The following SUMF1 variants were observed in gnomAD, a reference collection of about 807,000 sequenced individuals.
SUMF1 encodes sulfatase modifying factor 1.
In SUMF1, 48 loss-of-function variants were observed where a neutral mutation model predicts 47.6. That is an observed-to-expected ratio of 1.01 (90% CI 0.80 to 1.28). The LOEUF (loss-of-function observed/expected upper bound fraction) is 1.28. Ranked by LOEUF, SUMF1 falls within the 50% of genes most tolerant of loss-of-function variation. The probability of loss-of-function intolerance (pLI) is 0.00; values close to 1 mark genes in which losing one functional copy is unlikely to be tolerated. For missense variants in SUMF1, 571 were observed against 485.4 expected (o/e 1.18, Z -1.66); for synonymous variants, 230 against 192.1 (o/e 1.20, Z -1.63).
chr3:4,128,343 C>T (rs767951652), intron 8 of SUMF1, among the ~76,000 whole-genome samples: 4 of 151,258 alleles, frequency 2.6e-5, no homozygotes, highest in African/African-American at 4.9e-5. Flanking sequence ...GTAGGAGGAC[C>T]CTGATGAAGC....
intron 8 of SUMF1, among the ~76,000 whole-genome samples, chr3:4,071,776 C>A (rs1180781844): frequency 2.0e-5 from 3 of 152,194 alleles, no homozygotes; most frequent in Non-Finnish European, 4.4e-5. Context: ...CATATGTGAA[C>A]AAAAGGCAGC....
intron 3 of SUMF1, among the ~76,000 whole-genome samples, chr3:4,426,701 G>A (rs1253306000): frequency 2.0e-5 from 3 of 152,210 alleles, no homozygotes; most frequent in African/African-American, 7.2e-5. Flanking sequence ...AGCAGCATGA[G>A]TGGACTGGCA....
At chr3:4,335,863 G>C (rs1699136449) in intron 8 of SUMF1, among the ~76,000 whole-genome samples, 2 of 147,012 alleles carry the variant, frequency 1.4e-5, no homozygotes, top group African/African-American at 2.5e-5. Flanking sequence ...AGGAGGCTGA[G>C]GCAGGAGAAT....
intron 8 of SUMF1, among the ~76,000 whole-genome samples, chr3:4,336,478 A>G (rs1699155794): frequency 6.6e-6 from 1 of 152,208 alleles, no homozygotes; most frequent in South Asian, 2.1e-4. Context: ...TTGTGAAATT[A>G]CAGTTATCTA....
intron 9 of SUMF1, among the ~76,000 whole-genome samples, chr3:4,045,042 T>C (rs9877575): frequency 0.037 from 5,670 of 152,290 alleles, 368 homozygotes; most frequent in African/African-American, 0.13. Context: ...GTTTTATTTG[T>C]TCAGTTTAGC....
At chr3:4,213,079 T>C (rs1695834929) in intron 8 of SUMF1, among the ~76,000 whole-genome samples, 1 of 151,932 alleles carries the variant, frequency 6.6e-6, no homozygotes, top group African/African-American at 2.4e-5. Context: ...AAGATACTCC[T>C]CAAGAAGAGC....
At chr3:4,222,593 C>T (rs1007640980) in intron 8 of SUMF1, among the ~76,000 whole-genome samples, 9 of 152,058 alleles carry the variant, frequency 5.9e-5, no homozygotes, top group African/African-American at 2.2e-4. Context: ...TAGCTCTCTA[C>T]CCGGAGGGCC....
intron 8 of SUMF1, among the ~76,000 whole-genome samples, chr3:4,167,203 G>C (rs538728954): frequency 2.0e-5 from 3 of 151,982 alleles, no homozygotes; most frequent in African/African-American, 7.3e-5. Flanking sequence ...GTGAGCAGCC[G>C]CAAGATTTAT....
chr3:4,416,677 T>C (rs1701723039), intron 6 of SUMF1, among the ~76,000 whole-genome samples: 1 of 152,246 alleles, frequency 6.6e-6, no homozygotes, highest in Admixed American at 6.5e-5. Flanking sequence ...ATGGGGATAA[T>C]AGTACCTACC....
intron 8 of SUMF1, among the ~76,000 whole-genome samples, chr3:4,352,923 G>C (rs1030594598): frequency 2.0e-5 from 3 of 152,122 alleles, no homozygotes; most frequent in African/African-American, 7.2e-5. Context: ...ACCGTCCTTA[G>C]AAGAGATGGA....
At chr3:4,126,761 T>C (rs1434211885) in intron 8 of SUMF1, among the ~76,000 whole-genome samples, 1 of 152,132 alleles carries the variant, frequency 6.6e-6, no homozygotes. Flanking sequence ...ACAAGACAGT[T>C]AAATTGAAAA....
chr3:4,273,390 A>G (rs1159338553), intron 8 of SUMF1, among the ~76,000 whole-genome samples: 3 of 152,106 alleles, frequency 2.0e-5, no homozygotes, highest in African/African-American at 7.2e-5. Context: ...ATGAACTTCA[A>G]AATATGCTTT....
chr3:4,331,060 CA>C (rs1228259859), intron 8 of SUMF1, among the ~76,000 whole-genome samples: 1 of 152,152 alleles, frequency 6.6e-6, no homozygotes, highest in Admixed American at 6.5e-5. Flanking sequence ...AACTTAACTG[CA>C]CATACAATTC....
chr3:4,464,768 T>C (rs1042307999), intron 1 of SUMF1, among the ~76,000 whole-genome samples: 33 of 152,186 alleles, frequency 2.2e-4, no homozygotes, highest in African/African-American at 7.2e-4. Context: ...TCCTATGACG[T>C]CATTGTCTTG....
In SUMF1 at chr3:4,270,670, G is replaced by A. The variant is rs143316761; in HGVS notation, c.1014+105660C>T. 3.5e-3 allele frequency among the ~76,000 whole-genome samples: 528 copies of A among 152,266 alleles called. 1 individual carries two copies. Among genetic ancestry groups the A allele is most frequent in the African/African-American group, 0.011 (477 of 41,554 alleles). On this transcript the variant is annotated intron_variant and NMD_transcript_variant, in intron 8 of 12. Transcript: ENST00000448413. ...AAACTTTGCCTCAGATTTCAACAAA[G>A]GATACCAGCATGTGGGGTGCTCCCT...
chr3:4,105,677 T>G (rs2125065254), intron 8 of SUMF1, among the ~76,000 whole-genome samples: 1 of 152,260 alleles, frequency 6.6e-6, no homozygotes, highest in South Asian at 2.1e-4. Context: ...TTTGAATGTC[T>G]GTTTGGGGAA....
intron 7 of SUMF1, among the ~76,000 whole-genome samples, chr3:4,392,939 C>T (rs1165668674): frequency 2.0e-5 from 3 of 151,986 alleles, no homozygotes; most frequent in Non-Finnish European, 2.9e-5. Context: ...ACTGGGCTTT[C>T]ACCTTTCATG....
At chr3:4,116,462 G>A (rs1276627810) in intron 8 of SUMF1, among the ~76,000 whole-genome samples, 5 of 152,098 alleles carry the variant, frequency 3.3e-5, no homozygotes, top group East Asian at 3.8e-4. Context: ...GCTAGATGGA[G>A]GTGTGAAGAA....
chr3:4,279,115 G>C (rs1286606662), intron 8 of SUMF1, among the ~76,000 whole-genome samples: 3 of 152,102 alleles, frequency 2.0e-5, no homozygotes, highest in Non-Finnish European at 4.4e-5. Flanking sequence ...AGTTTGAGAA[G>C]AATTGCTCTA....
Sources: allele counts gnomAD v4.1 joint callset (sites outside exome capture counted in the v4.1 genomes callset), GRCh38; gene constraint gnomAD v4.1.1; transcripts MANE v1.5; gene names NCBI Gene and HGNC (gene_info 2026-07-23, HGNC 2026-07-21).